The following SYT7 variants were observed in gnomAD, a reference collection of about 807,000 sequenced individuals.
SYT7 encodes the protein synaptotagmin-7.
Under a neutral mutation model 75.1 loss-of-function variants are expected in SYT7, and 29 were observed. The observed-to-expected ratio is 0.39, with a 90% CI of 0.29 to 0.53. The LOEUF (loss-of-function observed/expected upper bound fraction) is 0.53. SYT7 is among the 20% of genes least tolerant of loss of function. The pLI, the probability that SYT7 is intolerant of heterozygous loss-of-function variation, is 0.77. For synonymous variants in SYT7, 376 were observed against 401.7 expected (o/e 0.94, Z 0.76); for missense variants, 693 against 953.2 (o/e 0.73, Z 3.59).
intron 6 of SYT7, 55 bp from the exon 7 acceptor site, chr11:61,538,321 G>C (rs1191069199): frequency 1.1e-5 from 16 of 1,467,470 alleles, no homozygotes; most frequent in Non-Finnish European, 1.5e-5. Context: ...CCCCGTGGGC[G>C]GGGGCAGGGG....
chr11:61,568,264 T>C (rs2063829652), intron 1 of SYT7, among the ~76,000 whole-genome samples: 1 of 152,164 alleles, frequency 6.6e-6, no homozygotes, highest in Non-Finnish European at 1.5e-5. Flanking sequence ...TGAACCTTAC[T>C]GGGTTGTAGA....
chr11:61,549,090 A>G (rs752863470), intron 3 of SYT7, among the ~76,000 whole-genome samples: 1 of 152,152 alleles, frequency 6.6e-6, no homozygotes, highest in Non-Finnish European at 1.5e-5. Flanking sequence ...TGCGTCAGGT[A>G]TAACAAAGAT....
chr11:61,531,234 A>G (rs1361420844), intron 8 of SYT7: 10 of 731,902 alleles, frequency 1.4e-5, no homozygotes, highest in Non-Finnish European at 1.7e-5. Context: ...GCATCCTCCC[A>G]GCACAGGAGA....
At chr11:61,534,474 C>G (rs116506430) in intron 7 of SYT7, among the ~76,000 whole-genome samples, 2 of 150,800 alleles carry the variant, frequency 1.3e-5, no homozygotes, top group African/African-American at 4.9e-5. Flanking sequence ...CATATGTACA[C>G]ACACACATGC....
At position 61,542,084 on chromosome 11, in the gene SYT7, G is replaced by T; in HGVS notation, c.941+127C>A. 1 of 1,300,154 alleles carries T rather than the reference G, an allele frequency of 7.7e-7. No homozygotes were observed. Among genetic ancestry groups the T allele is most frequent in the Non-Finnish European group, 1.0e-6 (1 of 980,252 alleles). The allele number at this position is 1,300,154 out of a possible 1,614,324, so 80.5% of individuals were successfully genotyped here. A position where few individuals can be genotyped will look rare whatever the true frequency, so the allele number is the denominator to read the frequency against. On this transcript the variant is annotated intron_variant, in intron 6 of 12. Transcript: ENST00000539008. The surrounding 1 kb of genome is among the most constrained non-coding windows in gnomAD (Gnocchi z 7.8). ...GGCTAAGGAGGGGGCTGCCAAGTCT[G>T]CTTGGCACCCTGCCAAGGGGATGGA...
chr11:61,562,428 T>G (rs2063662153), intron 1 of SYT7, among the ~76,000 whole-genome samples: 1 of 152,170 alleles, frequency 6.6e-6, no homozygotes, highest in Non-Finnish European at 1.5e-5. Flanking sequence ...TGGTGAGGTT[T>G]AAAGGAATTA....
intron 12 of SYT7, 25 bp from the exon 13 acceptor site, chr11:61,518,756 C>A: frequency 6.7e-7 from 1 of 1,503,284 alleles, no homozygotes; most frequent in South Asian, 1.3e-5. Context: ...GAGACGATGG[C>A]ATCGGCACAG....
intron 1 of SYT7, among the ~76,000 whole-genome samples, chr11:61,578,097 T>G (rs980782823): frequency 6.6e-6 from 1 of 152,134 alleles, no homozygotes; most frequent in Non-Finnish European, 1.5e-5. Context: ...AGTGTGGAGC[T>G]GGAGCCTGGG....
chr11:61,583,494 A>G (rs198758), upstream of SYT7, among the ~76,000 whole-genome samples: 21,320 of 152,150 alleles, frequency 0.14, 3,904 homozygotes, highest in African/African-American at 0.43. Context: ...GGCCTCTAGA[A>G]GAGAAGGAAC....
chr11:61,531,215 C>T (rs931350776), intron 8 of SYT7: 2 of 822,418 alleles, frequency 2.4e-6, no homozygotes, highest in Admixed American at 6.2e-5. Flanking sequence ...TCTGCCCTCC[C>T]ACCTCTGAGC....
intron 1 of SYT7, among the ~76,000 whole-genome samples, chr11:61,572,824 CAG>C (rs2063959079): frequency 1.3e-5 from 2 of 152,138 alleles, no homozygotes; most frequent in Admixed American, 6.5e-5. Context: ...GACCCCCACT[CAG>C]GGGTAACAAA....
At chr11:61,527,071 C>G (rs1453428423) in intron 9 of SYT7, among the ~76,000 whole-genome samples, 1 of 152,170 alleles carries the variant, frequency 6.6e-6, no homozygotes, top group South Asian at 2.1e-4. Context: ...CTTAATCACA[C>G]GCCCAGCTTC....
chr11:61,554,280 C>A (rs189164866), intron 2 of SYT7, among the ~76,000 whole-genome samples: 30 of 152,138 alleles, frequency 2.0e-4, no homozygotes, highest in Admixed American at 5.2e-4. Context: ...TGGAAGTCAT[C>A]TCTCACCACA....
chr11:61,568,662 T>A (rs1336833229), intron 1 of SYT7, among the ~76,000 whole-genome samples: 1 of 152,132 alleles, frequency 6.6e-6, no homozygotes, highest in Non-Finnish European at 1.5e-5. Flanking sequence ...TACCTCATCA[T>A]CCTTCCATGT....
At chr11:61,559,625 T>C (rs1373552142) in intron 1 of SYT7, among the ~76,000 whole-genome samples, 1 of 151,948 alleles carries the variant, frequency 6.6e-6, no homozygotes, top group Non-Finnish European at 1.5e-5. Flanking sequence ...TCTGATGCCC[T>C]CTCCACACTC....
upstream of SYT7, among the ~76,000 whole-genome samples, chr11:61,581,529 A>G (rs1287254295): frequency 6.6e-6 from 1 of 152,222 alleles, no homozygotes; most frequent in Non-Finnish European, 1.5e-5. Context: ...CGAGGGCGTC[A>G]GCTCCGGACT....
At position 61,551,493 on chromosome 11, in the gene SYT7, G is replaced by A. The variant is rs371246927; in HGVS notation, c.136-30C>T. The A allele has an allele frequency of 3.1e-5, 50 of 1,608,110 alleles. No homozygotes were observed. The highest frequency in any genetic ancestry group is 4.2e-5 in the Non-Finnish European group (49 of 1,175,714). Reference sequence around the variant, plus strand: ...GGAGATAGCACTAGGATCACTCCTGGGGAACAGGACTGTACCCTCCCTACC... The same window carrying A: ...GGAGATAGCACTAGGATCACTCCTGAGGAACAGGACTGTACCCTCCCTACC... On this transcript the variant is annotated intron_variant, in intron 2 of 12. Transcript: ENST00000539008. This position sits in a 1 kb window ranked among gnomAD's most constrained non-coding sequence, Gnocchi z 5.3.
chr11:61,518,916 C>G (rs916579843), intron 12 of SYT7, among the ~76,000 whole-genome samples, 185 bp from the exon 13 acceptor site: 13 of 152,216 alleles, frequency 8.5e-5, no homozygotes, highest in Non-Finnish European at 1.9e-4. Context: ...GATCTATTTT[C>G]CTGGTTGTCT....
At chr11:61,549,716 G>C (rs1468748938) in intron 3 of SYT7, among the ~76,000 whole-genome samples, 1 of 152,196 alleles carries the variant, frequency 6.6e-6, no homozygotes, top group African/African-American at 2.4e-5. Context: ...GCAGCTTCGG[G>C]GGCAGGCTAG....
Sources: allele counts gnomAD v4.1 joint callset (sites outside exome capture counted in the v4.1 genomes callset), GRCh38; gene constraint gnomAD v4.1.1; non-coding constraint Gnocchi (gnomAD v3.1); transcripts MANE v1.5; gene names NCBI Gene and HGNC (gene_info 2026-07-23, HGNC 2026-07-21).